RPTOR: variants seen among roughly 807,000 people sequenced by gnomAD.
RPTOR encodes the protein regulatory associated protein of MTOR complex 1.
In RPTOR, 21 loss-of-function variants were observed where a neutral mutation model predicts 169.9. The ratio of observed to expected loss-of-function variants is 0.12; its 90% CI spans 0.09 to 0.18. The LOEUF (loss-of-function observed/expected upper bound fraction) is 0.18. Among genes scored for constraint, RPTOR ranks in the 10% least tolerant of loss-of-function variants. The pLI is 1.00. For missense variants in RPTOR, 1,133 were observed against 1,855.9 expected (o/e 0.61, Z 7.16); for synonymous variants, 732 against 753.2 (o/e 0.97, Z 0.46).
chr17:80,840,648 ACT>A (rs1218536418), intron 10 of RPTOR, among the ~76,000 whole-genome samples: 3 of 60,244 alleles, frequency 5.0e-5, no homozygotes, highest in African/African-American at 1.3e-4. Flanking sequence ...ACGGCAGCTC[ACT>A]CTCACCACAC....
chr17:80,939,373 G>A (rs971081432), intron 24 of RPTOR, among the ~76,000 whole-genome samples: 2 of 152,186 alleles, frequency 1.3e-5, no homozygotes, highest in Admixed American at 6.5e-5. Context: ...GCACGCACTC[G>A]CACACACGCA....
Position 80,823,396 on chromosome 17 carries a change from G to C in RPTOR, c.1136+173G>C. 1.3e-6 allele frequency: 1 copy of C among 796,588 alleles called. No homozygotes were observed. Among genetic ancestry groups the C allele is most frequent in the Non-Finnish European group, 1.9e-6 (1 of 527,306 alleles). 49.3% of individuals were successfully genotyped at this position (796,588 alleles called of 1,614,324 possible). A position where few individuals can be genotyped will look rare whatever the true frequency, so the allele number is the denominator to read the frequency against. On this transcript the variant is annotated intron_variant, in intron 9 of 33. Transcript: ENST00000306801. The surrounding 1 kb of genome is among the most constrained non-coding windows in gnomAD (Gnocchi z 4.5). ...CTCCCAGAGATCTCCACACAGAGGA[G>C]TGGGGGTCTCCTTCAGAGGGCAGAA...
chr17:80,883,755 A>T, intron 15 of RPTOR, 26 bp from the exon 16 acceptor site: 1 of 1,611,572 alleles, frequency 6.2e-7, no homozygotes, highest in Non-Finnish European at 8.5e-7. Flanking sequence ...GCAGAGGCCA[A>T]CCTGTCTGTG....
chr17:80,553,792 A>G (rs1290659126), intron 1 of RPTOR, among the ~76,000 whole-genome samples: 2 of 151,334 alleles, frequency 1.3e-5, no homozygotes, highest in African/African-American at 4.9e-5. Context: ...CCCAGGTTGG[A>G]GTGCAGTGGC....
chr17:80,919,121 TA>T (rs2068715168), intron 21 of RPTOR, among the ~76,000 whole-genome samples: 1 of 152,226 alleles, frequency 6.6e-6, no homozygotes, highest in African/African-American at 2.4e-5. Context: ...GCTTCCTTTG[TA>T]ACTAATGGGC....
intron 1 of RPTOR, among the ~76,000 whole-genome samples, chr17:80,581,643 A>C (rs1319548976): frequency 6.7e-6 from 1 of 149,120 alleles, no homozygotes; most frequent in Non-Finnish European, 1.5e-5. Flanking sequence ...GGGCCAGTGC[A>C]TGCCTGCTAT....
At chr17:80,637,649 G>A (rs1033439096) in intron 2 of RPTOR, among the ~76,000 whole-genome samples, 3 of 152,262 alleles carry the variant, frequency 2.0e-5, no homozygotes, top group African/African-American at 7.2e-5. Context: ...GTGCGGATGA[G>A]CTGCATGCTG....
intron 5 of RPTOR, among the ~76,000 whole-genome samples, chr17:80,732,561 T>A (rs1416452315): frequency 6.6e-6 from 1 of 152,228 alleles, no homozygotes; most frequent in African/African-American, 2.4e-5. Flanking sequence ...AAAAATATGT[T>A]AACTGAGTTG....
At chr17:80,958,871 G>A (rs1019615721) in intron 29 of RPTOR, among the ~76,000 whole-genome samples, 5 of 152,238 alleles carry the variant, frequency 3.3e-5, no homozygotes, top group African/African-American at 1.2e-4. Flanking sequence ...GAGCAGAGGC[G>A]AGACCACAGA....
chr17:80,894,773 G>T (rs1294235335), intron 20 of RPTOR, among the ~76,000 whole-genome samples: 1 of 152,266 alleles, frequency 6.6e-6, no homozygotes, highest in South Asian at 2.1e-4. Flanking sequence ...GCGTGTGTGT[G>T]TGTGTGTGTT....
At chr17:80,581,331 C>T (rs946552459) in intron 1 of RPTOR, among the ~76,000 whole-genome samples, 6 of 152,194 alleles carry the variant, frequency 3.9e-5, no homozygotes, top group Non-Finnish European at 5.9e-5. Context: ...CCATCAATTG[C>T]GTAAATGCAG....
At chr17:80,933,655 A>C (rs996711522) in intron 24 of RPTOR, among the ~76,000 whole-genome samples, 5 of 152,210 alleles carry the variant, frequency 3.3e-5, no homozygotes, top group African/African-American at 1.2e-4. Context: ...ATAACAAAAG[A>C]AAAATGTAAG....
Position 80,957,802 on chromosome 17 carries a change from AC to A in RPTOR, c.3477+75del. 1 of 1,419,390 alleles carries A rather than the reference AC, an allele frequency of 7.0e-7. No homozygotes were observed. Among genetic ancestry groups the A allele is most frequent in the Non-Finnish European group, 9.9e-7 (1 of 1,007,036 alleles). The allele number at this position is 1,419,390 out of a possible 1,614,324, so 87.9% of individuals were successfully genotyped here. A position where few individuals can be genotyped will look rare whatever the true frequency, so the allele number is the denominator to read the frequency against. ...GTGCAGGGCTGGTCCTCGTCACAGAACCCAGCAAAGTGTGCGGTGAGGCCTG... is the reference window on the plus strand; with the variant it reads ...GTGCAGGGCTGGTCCTCGTCACAGAACCAGCAAAGTGTGCGGTGAGGCCTG... On this transcript the variant is annotated intron_variant, in intron 29 of 33. Coordinates refer to ENST00000306801, the MANE Select transcript of RPTOR (RefSeq NM_020761.3). The surrounding 1 kb of genome is among the most constrained non-coding windows in gnomAD (Gnocchi z 4.6).
chr17:80,735,178 A>T (rs942351350), intron 5 of RPTOR, among the ~76,000 whole-genome samples: 1 of 152,150 alleles, frequency 6.6e-6, no homozygotes, highest in Non-Finnish European at 1.5e-5. Flanking sequence ...AGATGATCCA[A>T]TGAGGACCAT....
intron 10 of RPTOR, among the ~76,000 whole-genome samples, chr17:80,843,916 G>T (rs2067698047): frequency 6.6e-6 from 1 of 152,192 alleles, no homozygotes; most frequent in Non-Finnish European, 1.5e-5. Context: ...GCTGGCAACA[G>T]AGCAAAACTC....
At chr17:80,557,106 T>C (rs1458057025) in intron 1 of RPTOR, among the ~76,000 whole-genome samples, 5 of 150,884 alleles carry the variant, frequency 3.3e-5, no homozygotes, top group Non-Finnish European at 7.4e-5. Flanking sequence ...ATTGTTCCAT[T>C]CTGAAGAGCT....
chr17:80,815,278 C>T (rs1487598632), intron 7 of RPTOR, among the ~76,000 whole-genome samples: 4 of 152,218 alleles, frequency 2.6e-5, no homozygotes, highest in South Asian at 4.1e-4. Flanking sequence ...AGAGAGCTGT[C>T]GCTCCAACTC....
rs568983376 is a variant in RPTOR, at chr17:80,857,755, G to C, written c.1399-35G>C. On this transcript the variant is annotated intron_variant, in intron 12 of 33. Coordinates refer to ENST00000306801, the MANE Select transcript of RPTOR (RefSeq NM_020761.3). ...CTGCTGCTGCCCGTTCCCTTGCTGC[G>C]GCACAGGTGCGCTGACGCCCTCCCT... is the stretch of plus-strand genomic sequence containing the variant. 1.9e-4 allele frequency: 286 copies of C among 1,517,086 alleles called. 1 individual carries two copies. In the South Asian group the frequency reaches 3.0e-3, roughly 16 times the overall value. 94.0% of individuals were successfully genotyped at this position (1,517,086 alleles called of 1,614,324 possible).
chr17:80,555,395 G>A (rs980384997), intron 1 of RPTOR, among the ~76,000 whole-genome samples: 6 of 152,114 alleles, frequency 3.9e-5, no homozygotes, highest in Non-Finnish European at 8.8e-5. Context: ...TTTCTAGTGT[G>A]TGTCCGGAGG....
Sources: allele counts gnomAD v4.1 joint callset (sites outside exome capture counted in the v4.1 genomes callset), GRCh38; gene constraint gnomAD v4.1.1; non-coding constraint Gnocchi (gnomAD v3.1); transcripts MANE v1.5; gene names NCBI Gene and HGNC (gene_info 2026-07-23, HGNC 2026-07-21).